The following RERE variants were observed in gnomAD, a reference collection of about 807,000 sequenced individuals.
RERE encodes arginine-glutamic acid dipeptide repeats.
RERE carries 40 observed loss-of-function variants against 146.1 expected under a neutral mutation model. The ratio of observed to expected loss-of-function variants is 0.27; its 90% CI spans 0.21 to 0.36. RERE has a LOEUF of 0.36. RERE is among the 10% of genes least tolerant of loss of function. RERE has a pLI of 1.00. For synonymous variants in RERE, 1,003 were observed against 866.0 expected (o/e 1.16, Z -2.78); for missense variants, 1,933 against 2,138.7 (o/e 0.90, Z 1.90).
intron 1 of RERE, among the ~76,000 whole-genome samples, chr1:8,674,221 A>G (rs1397210786): frequency 6.6e-6 from 1 of 152,128 alleles, no homozygotes; most frequent in African/African-American, 2.4e-5. Flanking sequence ...GGCCTAAGAG[A>G]GGCCTCATCT....
intron 12 of RERE, among the ~76,000 whole-genome samples, chr1:8,388,236 A>T (rs1382304390): frequency 6.6e-6 from 1 of 152,252 alleles, no homozygotes; most frequent in East Asian, 1.9e-4. Flanking sequence ...GAGGGGGGTT[A>T]TAGCAGAATA....
intron 1 of RERE, among the ~76,000 whole-genome samples, chr1:8,732,645 A>T (rs1180683577): frequency 2.6e-5 from 4 of 152,132 alleles, no homozygotes; most frequent in Non-Finnish European, 5.9e-5. Flanking sequence ...AGTGAATCTT[A>T]AACTGTAGAC....
chr1:8,732,626 A>T (rs1312033917), intron 1 of RERE, among the ~76,000 whole-genome samples: 1 of 152,102 alleles, frequency 6.6e-6, no homozygotes, highest in East Asian at 1.9e-4. Flanking sequence ...CAGAATGTAC[A>T]ACACAAAGAG....
In RERE at chr1:8,419,178, A is replaced by C. The variant is rs371493201; in HGVS notation, c.1284+3549T>G. 6.6e-5 allele frequency among the ~76,000 whole-genome samples: 10 copies of C among 152,328 alleles called. No homozygotes were observed. In the South Asian group the frequency reaches 1.9e-3, roughly 28 times the overall value. On this transcript the variant is annotated intron_variant, in intron 12 of 22. Transcript: ENST00000400908. ...ATAATAAACTACAGGATATTTGCAC[A>C]ACCATGACACTAAAAGATTTGACTT...
At chr1:8,634,131 C>T (rs887163392) in intron 2 of RERE, among the ~76,000 whole-genome samples, 3 of 152,160 alleles carry the variant, frequency 2.0e-5, no homozygotes, top group East Asian at 1.9e-4. Flanking sequence ...CCTATAGACA[C>T]ATTCAATCAA....
At chr1:8,539,687 C>G (rs896750596) in intron 7 of RERE, among the ~76,000 whole-genome samples, 1 of 152,044 alleles carries the variant, frequency 6.6e-6, no homozygotes, top group Non-Finnish European at 1.5e-5. Context: ...ACAGGCGTGA[C>G]CCACCTACAC....
At chr1:8,805,841 CTTCTT>C (rs1428176747) in intron 1 of RERE, 11 of 131,644 alleles carry the variant, frequency 8.4e-5, no homozygotes, top group South Asian at 7.1e-4. Flanking sequence ...ACAAAACAAC[CTTCTT>C]TTTTTTTTTT....
chr1:8,627,564 T>C (rs894423864), intron 2 of RERE, among the ~76,000 whole-genome samples: 91 of 146,020 alleles, frequency 6.2e-4, no homozygotes, highest in Non-Finnish European at 1.2e-3. Flanking sequence ...ATCACGCCAC[T>C]GCACTCCAGC....
chr1:8,733,620 C>A lies in RERE; in HGVS notation c.-144-77179G>T, dbSNP rs538032455. ...AACAGCCAGCAAGAACTCTGCCAAC[C>A]TTGTGAATGCACTATGTTGCAATTG... On this transcript the variant is annotated intron_variant, in intron 1 of 22. Coordinates refer to ENST00000400908, the MANE Select transcript of RERE (RefSeq NM_001042681.2). Among the ~76,000 whole-genome samples the A allele has an allele frequency of 4.6e-5, 7 of 152,308 alleles. No homozygotes were observed. The East Asian group carries it at 1.4e-3, about 29-fold the overall frequency.
intron 7 of RERE, among the ~76,000 whole-genome samples, chr1:8,526,712 TGAA>T (rs1447301624): frequency 6.6e-6 from 1 of 152,184 alleles, no homozygotes; most frequent in Non-Finnish European, 1.5e-5. Context: ...AAGTCTAGCT[TGAA>T]GAATCTAATT....
At chr1:8,816,079 C>T (rs1358147839) in intron 1 of RERE, among the ~76,000 whole-genome samples, 2 of 152,144 alleles carry the variant, frequency 1.3e-5, no homozygotes, top group South Asian at 2.1e-4. Flanking sequence ...CCTCCCCCAA[C>T]AGACTGAGAC....
At chr1:8,683,688 A>T (rs1006785919) in intron 1 of RERE, among the ~76,000 whole-genome samples, 2 of 152,248 alleles carry the variant, frequency 1.3e-5, no homozygotes, top group Non-Finnish European at 2.9e-5. Context: ...CAGGTCTGTA[A>T]ACCCAGCACT....
Position 8,508,690 on chromosome 1 carries a change from G to C in RERE, c.831-15C>G, listed in dbSNP as rs1295917812. On this transcript the variant is annotated splice_polypyrimidine_tract_variant and intron_variant, in intron 7 of 22. Coordinates refer to ENST00000400908, the MANE Select transcript of RERE (RefSeq NM_001042681.2). ...TGTTCAGCCTCCTGGAACAGAAATA[G>C]AGCAGATTAAGTTAGCGCAATACAG... 2.5e-6 allele frequency: 4 copies of C among 1,607,482 alleles called. No homozygotes were observed. The highest frequency in any genetic ancestry group is 2.2e-5 in the East Asian group (1 of 44,860).
intron 12 of RERE, among the ~76,000 whole-genome samples, chr1:8,397,373 T>A (rs1643091843): frequency 6.6e-6 from 1 of 152,172 alleles, no homozygotes; most frequent in Non-Finnish European, 1.5e-5. Flanking sequence ...TGAGGGAGGT[T>A]CTATTTGTGC....
chr1:8,612,430 T>C (rs1646803510), intron 4 of RERE, among the ~76,000 whole-genome samples: 1 of 152,222 alleles, frequency 6.6e-6, no homozygotes, highest in East Asian at 1.9e-4. Context: ...TAGCATCATC[T>C]TGACTGAAAG....
At chr1:8,510,620 G>A (rs1165751048) in intron 7 of RERE, among the ~76,000 whole-genome samples, 3 of 152,210 alleles carry the variant, frequency 2.0e-5, no homozygotes, top group South Asian at 2.1e-4. Flanking sequence ...AGCAGTCAGC[G>A]TTACCACTAT....
intron 3 of RERE, among the ~76,000 whole-genome samples, chr1:8,615,322 C>T (rs1646840206): frequency 6.6e-6 from 1 of 152,146 alleles, no homozygotes; most frequent in Admixed American, 6.5e-5. Context: ...TGAATAGGCA[C>T]AGAGCATAAA....
intron 4 of RERE, among the ~76,000 whole-genome samples, chr1:8,584,936 CAG>C (rs1646408971): frequency 6.6e-6 from 1 of 152,050 alleles, no homozygotes; most frequent in Non-Finnish European, 1.5e-5. Flanking sequence ...TCACTTTAGT[CAG>C]GAGTCCAAGA....
chr1:8,386,605 G>C (rs1642690223), intron 12 of RERE, among the ~76,000 whole-genome samples: 1 of 108,100 alleles, frequency 9.3e-6, no homozygotes, highest in African/African-American at 2.9e-5. Context: ...ACAATCCATT[G>C]AAAAATAAGC....
Sources: gnomAD v4.1 joint callset for allele counts (sites outside exome capture counted in the v4.1 genomes callset) on GRCh38, gnomAD v4.1.1 for gene constraint, MANE v1.5 for transcripts, NCBI Gene and HGNC (gene_info 2026-07-23, HGNC 2026-07-21) for gene names.